Variants in HTR2C observed in about 807,000 individuals in gnomAD.
The protein encoded by HTR2C is 5-hydroxytryptamine (serotonin) receptor 2C, G protein-coupled.
HTR2C carries 5 observed loss-of-function variants against 21.0 expected under a neutral mutation model. The ratio of observed to expected loss-of-function variants is 0.24; its 90% CI spans 0.12 to 0.50. The LOEUF (loss-of-function observed/expected upper bound fraction) is 0.50. Ranked by LOEUF, HTR2C falls within the 20% of genes least tolerant of loss-of-function variation. The pLI is 0.98. For missense variants in HTR2C, 271 were observed against 371.2 expected (o/e 0.73, Z 2.22); for synonymous variants, 150 against 145.3 (o/e 1.03, Z -0.23).
At chrX:114,608,298 A>G (rs1049104511) in intron 1 of HTR2C, among the ~76,000 whole-genome samples, 2 of 111,596 alleles carry the variant, frequency 1.8e-5, no homozygotes, top group Non-Finnish European at 3.8e-5. Context: ...GCCTATTTTA[A>G]TGTGTAGAAT....
intron 2 of HTR2C, chrX:114,652,594 T>A (rs1930618725): frequency 8.7e-6 from 3 of 344,078 alleles, no homozygotes; most frequent in South Asian, 8.2e-5. Context: ...GGTCTAATAG[T>A]TTTAAAGAAA....
chrX:114,896,950 T>A (rs1556484198), intron 5 of HTR2C, among the ~76,000 whole-genome samples: 2 of 111,727 alleles, frequency 1.8e-5, no homozygotes, highest in Non-Finnish European at 3.8e-5. Context: ...CTCTTCTGCT[T>A]ACCAAATACC....
At chrX:114,670,415 A>G (rs1249765371) in intron 2 of HTR2C, among the ~76,000 whole-genome samples, 2 of 99,446 alleles carry the variant, frequency 2.0e-5, no homozygotes, top group Non-Finnish European at 4.0e-5. Context: ...AAAAAAAAAA[A>G]GCAATTCTGA....
chrX:114,745,795 C>T lies in HTR2C; in HGVS notation c.349+14188C>T, dbSNP rs782297833. Among the ~76,000 whole-genome samples, 342 of 110,672 alleles carry T rather than the reference C, an allele frequency of 3.1e-3. 1 individual carries two copies. Among genetic ancestry groups the T allele is most frequent in the Non-Finnish European group, 5.0e-3 (266 of 52,937 alleles). On this transcript the variant is annotated intron_variant, in intron 4 of 5. Coordinates refer to ENST00000276198, the MANE Select transcript of HTR2C (RefSeq NM_000868.4). Reference sequence around the variant, plus strand: ...GAGATAGAGAGTAGAAGGACGGTTACCAGAAGCTGGGAAGGGTAGTGGGGG... The same window carrying T: ...GAGATAGAGAGTAGAAGGACGGTTATCAGAAGCTGGGAAGGGTAGTGGGGG...
chrX:114,729,980 G>T (rs1464649146), intron 3 of HTR2C, among the ~76,000 whole-genome samples: 1 of 111,808 alleles, frequency 8.9e-6, no homozygotes, highest in Non-Finnish European at 1.9e-5. Context: ...CTACATATAG[G>T]AAATGTATCC....
intron 2 of HTR2C, among the ~76,000 whole-genome samples, chrX:114,681,614 T>C (rs782485007): frequency 1.3e-3 from 149 of 111,324 alleles, no homozygotes; most frequent in Non-Finnish European, 2.4e-3. Context: ...ATGTTCCTCT[T>C]TCAATAATGT....
intron 1 of HTR2C, among the ~76,000 whole-genome samples, chrX:114,604,539 C>A (rs1216963332): frequency 9.1e-6 from 1 of 109,773 alleles, no homozygotes; most frequent in African/African-American, 3.3e-5. Context: ...AGGGGGCTTC[C>A]GAGGCGATCG....
intron 2 of HTR2C, among the ~76,000 whole-genome samples, chrX:114,721,539 A>G (rs1473730667): frequency 1.0e-5 from 1 of 98,310 alleles, no homozygotes; most frequent in African/African-American, 3.7e-5. Flanking sequence ...CCATTTGTCA[A>G]TTTTGTCTTT....
rs139506987 is a variant in HTR2C at position 114,692,886 on chromosome X, C to A, written c.-79-33972C>A. On this transcript the variant is annotated intron_variant, in intron 2 of 5. Transcript: ENST00000276198. ...TATTCAACAAGTATTTCTTGAGTGC[C>A]TACTATGTACAAAGCACTGTATGAG... Among the ~76,000 whole-genome samples the A allele has an allele frequency of 6.2e-3, 693 of 111,285 alleles. 5 individuals are homozygous for A. Among genetic ancestry groups the A allele is most frequent in the African/African-American group, 0.021 (656 of 30,669 alleles).
At chrX:114,689,571 C>T (rs1333876817) in intron 2 of HTR2C, among the ~76,000 whole-genome samples, 1 of 109,720 alleles carries the variant, frequency 9.1e-6, no homozygotes, top group East Asian at 2.9e-4. Context: ...AAGATGGTAT[C>T]GCATTGTGGT....
chrX:114,636,910 G>A (rs1215068233), intron 2 of HTR2C, among the ~76,000 whole-genome samples: 1 of 112,103 alleles, frequency 8.9e-6, no homozygotes, highest in Non-Finnish European at 1.9e-5. Context: ...TCTCCAGATT[G>A]CACTTTTACA....
chrX:114,885,801 C>T (rs2071215922), intron 5 of HTR2C, among the ~76,000 whole-genome samples: 1 of 111,216 alleles, frequency 9.0e-6, no homozygotes. Flanking sequence ...TTTTATGTGA[C>T]AAATATATTT....
chrX:114,788,536 A>G (rs1556442655), intron 4 of HTR2C, among the ~76,000 whole-genome samples: 1 of 111,097 alleles, frequency 9.0e-6, no homozygotes, highest in African/African-American at 3.3e-5. Flanking sequence ...TGATGGGATT[A>G]CAGGGGTGAG....
intron 1 of HTR2C, among the ~76,000 whole-genome samples, chrX:114,607,855 G>A (rs976657236): frequency 1.2e-4 from 13 of 110,451 alleles, no homozygotes; most frequent in Non-Finnish European, 2.5e-4. Context: ...GGGCATGGTG[G>A]TGCGTGCCTG....
At chrX:114,672,585 A>G (rs1556411954) in intron 2 of HTR2C, among the ~76,000 whole-genome samples, 4 of 112,000 alleles carry the variant, frequency 3.6e-5, no homozygotes, top group Non-Finnish European at 3.8e-5. Flanking sequence ...TAAAATGGGT[A>G]TTCCTTACCT....
chrX:114,646,635 G>T (rs1930370947), intron 2 of HTR2C, among the ~76,000 whole-genome samples: 2 of 111,925 alleles, frequency 1.8e-5, no homozygotes. Context: ...ACTCTGTGGG[G>T]TGTCTCTTCA....
At chrX:114,655,183 A>G (rs1393354763) in intron 2 of HTR2C, among the ~76,000 whole-genome samples, 1 of 111,238 alleles carries the variant, frequency 9.0e-6, no homozygotes, top group African/African-American at 3.3e-5. Context: ...AATTTAGGTG[A>G]CAATGCTGAA....
intron 2 of HTR2C, among the ~76,000 whole-genome samples, chrX:114,700,915 CCTGG>C (rs1353827472): frequency 1.8e-5 from 2 of 111,500 alleles, no homozygotes; most frequent in Non-Finnish European, 3.8e-5. Context: ...ATATCCCGCA[CCTGG>C]CTCGGAGGGT....
intron 4 of HTR2C, among the ~76,000 whole-genome samples, chrX:114,771,950 C>A (rs968376966): frequency 8.9e-6 from 1 of 112,034 alleles, no homozygotes; most frequent in Non-Finnish European, 1.9e-5. Context: ...ACATGAAGCT[C>A]CAAAACAAAT....
Sources: gnomAD v4.1 joint callset for allele counts (sites outside exome capture counted in the v4.1 genomes callset) on GRCh38, gnomAD v4.1.1 for gene constraint, MANE v1.5 for transcripts, NCBI Gene and HGNC (gene_info 2026-07-23, HGNC 2026-07-21) for gene names.